PLEKHA5: variants seen among roughly 807,000 people sequenced by gnomAD.
PLEKHA5 encodes the protein pleckstrin homology domain containing A5.
In PLEKHA5, 55 loss-of-function variants were observed where a neutral mutation model predicts 181.9. The ratio of observed to expected loss-of-function variants is 0.30; its 90% confidence interval spans 0.24 to 0.38. PLEKHA5 has a LOEUF of 0.38. Ranked by LOEUF, PLEKHA5 falls within the 10% of genes least tolerant of loss-of-function variation. The pLI is 1.00. For synonymous variants in PLEKHA5, 535 were observed against 529.4 expected (o/e 1.01, Z -0.15); for missense variants, 1,432 against 1,549.5 (o/e 0.92, Z 1.27).
intron 9 of PLEKHA5, 70 bp downstream of exon 9, chr12:19,269,955 C>T (rs2072061680): frequency 1.2e-6 from 1 of 841,324 alleles, no homozygotes. Context: ...AAGTATTTCA[C>T]TGTCATAGTA....
intron 3 of PLEKHA5, among the ~76,000 whole-genome samples, chr12:19,199,296 C>T (rs1464311807): frequency 2.0e-5 from 3 of 151,828 alleles, no homozygotes; most frequent in Admixed American, 6.6e-5. Flanking sequence ...GAAAAAATGC[C>T]TTCTGTAGAT....
At chr12:19,229,046 A>C (rs2060071954) in intron 3 of PLEKHA5, among the ~76,000 whole-genome samples, 2 of 152,222 alleles carry the variant, frequency 1.3e-5, no homozygotes, top group South Asian at 4.1e-4. Flanking sequence ...CAGACAAAGA[A>C]ATCTGCCCTC....
At chr12:19,192,491 A>C (rs912768039) in intron 3 of PLEKHA5, among the ~76,000 whole-genome samples, 1 of 152,170 alleles carries the variant, frequency 6.6e-6, no homozygotes, top group Non-Finnish European at 1.5e-5. Context: ...TGAAGTCAGG[A>C]GTTCAAGACC....
intron 11 of PLEKHA5, among the ~76,000 whole-genome samples, chr12:19,280,283 G>A (rs1311610865): frequency 5.3e-5 from 8 of 151,836 alleles, no homozygotes; most frequent in Non-Finnish European, 1.0e-4. Context: ...TGATCCACCC[G>A]CCTTGGCCTC....
intron 3 of PLEKHA5, among the ~76,000 whole-genome samples, chr12:19,166,649 A>G (rs2044464875): frequency 1.3e-5 from 2 of 152,208 alleles, no homozygotes; most frequent in Admixed American, 1.3e-4. Context: ...TACTCTCTGC[A>G]ATTTACTAGT....
chr12:19,289,454 T>C (rs2152835668), intron 13 of PLEKHA5, among the ~76,000 whole-genome samples: 1 of 148,818 alleles, frequency 6.7e-6, no homozygotes, highest in East Asian at 2.0e-4. Flanking sequence ...AAACCAATCT[T>C]GGGAATACTT....
At position 19,358,248 on chromosome 12, in the gene PLEKHA5, G is replaced by A; in HGVS notation, c.3159G>A (p.Val1053=). The change falls in exon 27 of 32, where the codon GTG becomes GTA. Residue 1053 remains valine (V), a synonymous_variant. Coordinates refer to ENST00000429027, the MANE Select transcript of PLEKHA5 (RefSeq NM_001256470.2). ...TGAAGGAAAGACCAAGAAGTGCAGT[G>A]GAACAGCTCTGTTTGGCTGAAAGTA... ...DLRTERPRSA[V]EQLCLAESTR... 6.2e-7 allele frequency: 1 copy of A among 1,613,350 alleles called. No homozygotes were observed. The highest frequency in any genetic ancestry group is 1.1e-5 in the South Asian group (1 of 91,050).
intron 25 of PLEKHA5, among the ~76,000 whole-genome samples, chr12:19,352,481 T>C (rs370927712): frequency 6.6e-6 from 1 of 152,000 alleles, no homozygotes; most frequent in South Asian, 2.1e-4. Context: ...GGCAATATTG[T>C]ATGATTTTTT....
Position 19,345,174 on chromosome 12 carries a change from C to T in PLEKHA5, c.2663-668C>T, listed in dbSNP as rs552263314. ...GAGCACTTTGGGAGGCCAAGGCGGG[C>T]AGATCACCTGAGGTCAGGAGTTCGA... On this transcript the variant is annotated intron_variant, in intron 22 of 31. Transcript: ENST00000429027. Among the ~76,000 whole-genome samples, 61 of 151,562 alleles carry T rather than the reference C, an allele frequency of 4.0e-4. 1 individual carries two copies. Among genetic ancestry groups the T allele is most frequent in the African/African-American group, 1.5e-3 (61 of 41,318 alleles).
intron 8 of PLEKHA5, among the ~76,000 whole-genome samples, chr12:19,268,959 A>G (rs1280808418): frequency 1.3e-5 from 2 of 152,130 alleles, no homozygotes; most frequent in South Asian, 2.1e-4. Flanking sequence ...AAAGGATTCT[A>G]TAAAATACAG....
At chr12:19,305,861 C>CAAAAAA (rs376068601) in intron 15 of PLEKHA5, among the ~76,000 whole-genome samples, 637 of 37,560 alleles carry the variant, frequency 0.017, 76 homozygotes, top group Non-Finnish European at 0.023. Context: ...AACTCCATCT[C>CAAAAAA]AAAAAAAAAA....
At chr12:19,302,906 A>AAT (rs2081983804) in intron 15 of PLEKHA5, among the ~76,000 whole-genome samples, 2 of 53,968 alleles carry the variant, frequency 3.7e-5, no homozygotes, top group Non-Finnish European at 6.3e-5. Context: ...TCTGTATGAA[A>AAT]TTTTTTTTTT....
intron 3 of PLEKHA5, among the ~76,000 whole-genome samples, chr12:19,222,154 TTTGTATAC>T (rs1380810157): frequency 9.2e-5 from 14 of 152,220 alleles, no homozygotes; most frequent in African/African-American, 3.1e-4. Context: ...AATATGTATA[TTTGTATAC>T]ATACTTATAT....
At chr12:19,200,600 C>A in intron 3 of PLEKHA5, 2 of 1,163,522 alleles carry the variant, frequency 1.7e-6, no homozygotes, top group Non-Finnish European at 2.1e-6. Flanking sequence ...TAGAAACTAT[C>A]AGGCCTGAAC....
chr12:19,142,802 A>G (rs545362923), intron 3 of PLEKHA5, among the ~76,000 whole-genome samples: 1 of 152,264 alleles, frequency 6.6e-6, no homozygotes, highest in South Asian at 2.1e-4. Flanking sequence ...TTTGATCTGC[A>G]TATTCCCATC....
intron 3 of PLEKHA5, among the ~76,000 whole-genome samples, chr12:19,185,471 AAGAC>A (rs891354750): frequency 6.6e-6 from 1 of 152,144 alleles, no homozygotes; most frequent in African/African-American, 2.4e-5. Flanking sequence ...AACAGAGAGA[AAGAC>A]AGAGAGAGGA....
chr12:19,294,021 T>TA (rs2079134963), intron 15 of PLEKHA5, among the ~76,000 whole-genome samples: 1 of 152,232 alleles, frequency 6.6e-6, no homozygotes, highest in Non-Finnish European at 1.5e-5. Context: ...GAAGTAAAGC[T>TA]ATTCAATTTT....
At chr12:19,151,060 G>C (rs2040266639) in intron 3 of PLEKHA5, 3 of 152,284 alleles carry the variant, frequency 2.0e-5, no homozygotes, top group Admixed American at 2.0e-4. Context: ...AGATGTGCCA[G>C]GTTATGGGTA....
chr12:19,170,545 G>A (rs1343719727), intron 3 of PLEKHA5, among the ~76,000 whole-genome samples: 1 of 151,572 alleles, frequency 6.6e-6, no homozygotes, highest in African/African-American at 2.4e-5. Flanking sequence ...CCTGCCTCCG[G>A]AGTAGCTGTG....
Sources: allele counts gnomAD v4.1 joint callset (sites outside exome capture counted in the v4.1 genomes callset), GRCh38; gene constraint gnomAD v4.1.1; transcripts MANE v1.5; gene names NCBI Gene and HGNC (gene_info 2026-07-23, HGNC 2026-07-21).